BNC2: variants seen among roughly 807,000 people sequenced by gnomAD.
BNC2 encodes basonuclin zinc finger protein 2.
In BNC2, 20 loss-of-function variants were observed where a neutral mutation model predicts 76.3. The ratio of observed to expected loss-of-function variants is 0.26; its 90% CI spans 0.18 to 0.38. The LOEUF (loss-of-function observed/expected upper bound fraction) is 0.38, where lower values mean the gene tolerates loss of function less well. Among genes scored for constraint, BNC2 ranks in the 10% least tolerant of loss-of-function variants. BNC2 has a pLI of 1.00. For synonymous variants in BNC2, 582 were observed against 514.8 expected (o/e 1.13, Z -1.77); for missense variants, 1,382 against 1,399.8 (o/e 0.99, Z 0.20).
At chr9:16,708,128 GA>G (rs1272760904) in intron 3 of BNC2, among the ~76,000 whole-genome samples, 2 of 152,140 alleles carry the variant, frequency 1.3e-5, no homozygotes, top group African/African-American at 4.8e-5. Flanking sequence ...TAAGTTCACT[GA>G]AATTCAAAAA....
At chr9:16,822,587 T>C (rs1426826864) in intron 1 of BNC2, among the ~76,000 whole-genome samples, 2 of 152,174 alleles carry the variant, frequency 1.3e-5, no homozygotes, top group Non-Finnish European at 2.9e-5. Flanking sequence ...GGAAACTGCC[T>C]GAAGCTTATT....
At chr9:16,729,691 G>T (rs1004557187) in intron 2 of BNC2, among the ~76,000 whole-genome samples, 2 of 152,050 alleles carry the variant, frequency 1.3e-5, no homozygotes, top group Non-Finnish European at 2.9e-5. Context: ...ATTCTTGCTG[G>T]GGGGGAGGGC....
At chr9:16,672,124 A>G (rs779699914) in intron 3 of BNC2, among the ~76,000 whole-genome samples, 12 of 152,196 alleles carry the variant, frequency 7.9e-5, no homozygotes, top group Non-Finnish European at 1.2e-4. Context: ...TGAAACAGGG[A>G]GATCTGGGGC....
chr9:16,647,535 T>C (rs911421113), intron 3 of BNC2, among the ~76,000 whole-genome samples: 3 of 152,076 alleles, frequency 2.0e-5, no homozygotes, highest in African/African-American at 7.2e-5. Context: ...TATTACACAA[T>C]CATTTTTCCC....
intron 4 of BNC2, among the ~76,000 whole-genome samples, chr9:16,569,211 C>T (rs973833580): frequency 1.6e-4 from 24 of 151,498 alleles, no homozygotes; most frequent in Non-Finnish European, 3.2e-4. Flanking sequence ...ACCTTATATA[C>T]ATTATGTGAA....
At chr9:16,529,124 G>A (rs1177781000) in intron 5 of BNC2, among the ~76,000 whole-genome samples, 3 of 152,144 alleles carry the variant, frequency 2.0e-5, no homozygotes, top group Non-Finnish European at 4.4e-5. Context: ...ACACAGGATG[G>A]TAGTTAGGGC....
chr9:16,826,811 G>A lies in BNC2; in HGVS notation c.3+43835C>T, dbSNP rs1159301454. ...AAAATAGCCTAAAGACAGATGAAAT[G>A]ATGGATGGATAGATGGATGGATGGA... is the stretch of plus-strand genomic sequence containing the variant. On this transcript the variant is annotated intron_variant, in intron 1 of 6. Coordinates refer to ENST00000380672, the MANE Select transcript of BNC2 (RefSeq NM_017637.6). Among the ~76,000 whole-genome samples the A allele has an allele frequency of 2.6e-5, 4 of 152,160 alleles. No homozygotes were observed. In the East Asian group the frequency reaches 5.8e-4, roughly 22 times the overall value.
At chr9:16,572,810 A>T (rs150117071) in intron 4 of BNC2, among the ~76,000 whole-genome samples, 1 of 152,268 alleles carries the variant, frequency 6.6e-6, no homozygotes, top group Non-Finnish European at 1.5e-5. Flanking sequence ...AAGAGCCTGG[A>T]TTTAGGGTGT....
intron 5 of BNC2, among the ~76,000 whole-genome samples, chr9:16,446,780 G>T (rs1483664844): frequency 1.9e-5 from 2 of 105,040 alleles, no homozygotes; most frequent in African/African-American, 3.7e-5. Flanking sequence ...TAAAAACAGT[G>T]ATTATGATAG....
At chr9:16,582,707 G>A (rs1050018366) in intron 4 of BNC2, among the ~76,000 whole-genome samples, 8 of 152,260 alleles carry the variant, frequency 5.3e-5, no homozygotes, top group African/African-American at 9.6e-5. Flanking sequence ...TGCTGGCTGC[G>A]CCCATGCTCA....
intron 4 of BNC2, among the ~76,000 whole-genome samples, chr9:16,577,585 T>C (rs6475064): frequency 0.056 from 8,514 of 152,154 alleles, 840 homozygotes; most frequent in African/African-American, 0.19. Flanking sequence ...CCAGGTCTGC[T>C]TACTTTACAT....
intron 1 of BNC2, among the ~76,000 whole-genome samples, chr9:16,765,250 C>T (rs143009851): frequency 6.6e-6 from 1 of 152,034 alleles, no homozygotes; most frequent in African/African-American, 2.4e-5. Context: ...TTTCTGGGGT[C>T]ACAATGTAAT....
chr9:16,764,104 A>G (rs893857469), intron 1 of BNC2, among the ~76,000 whole-genome samples: 1 of 152,222 alleles, frequency 6.6e-6, no homozygotes, highest in African/African-American at 2.4e-5. Context: ...CCACCCACAC[A>G]AAAGTAATTC....
intron 5 of BNC2, among the ~76,000 whole-genome samples, chr9:16,520,497 T>A (rs77585689): frequency 6.6e-6 from 1 of 152,130 alleles, no homozygotes; most frequent in Non-Finnish European, 1.5e-5. Flanking sequence ...GGTAGTTGCA[T>A]GCACAGACAT....
intron 1 of BNC2, among the ~76,000 whole-genome samples, chr9:16,866,292 C>A (rs1372938337): frequency 6.6e-6 from 1 of 151,902 alleles, no homozygotes; most frequent in East Asian, 1.9e-4. Flanking sequence ...AACATTTATG[C>A]TTATAACAGG....
chr9:16,495,561 C>T (rs1822370641), intron 5 of BNC2, among the ~76,000 whole-genome samples: 1 of 152,204 alleles, frequency 6.6e-6, no homozygotes, highest in South Asian at 2.1e-4. Context: ...TATGCACTGC[C>T]CAAAGTGCCA....
chr9:16,515,574 C>T (rs1323234642), intron 5 of BNC2, among the ~76,000 whole-genome samples: 2 of 152,026 alleles, frequency 1.3e-5, no homozygotes, highest in South Asian at 2.1e-4. Flanking sequence ...AGTGAGGACT[C>T]GGAGGTGTCT....
intron 1 of BNC2, among the ~76,000 whole-genome samples, chr9:16,785,143 C>G (rs547476841): frequency 5.3e-5 from 8 of 152,210 alleles, no homozygotes; most frequent in Non-Finnish European, 1.2e-4. Flanking sequence ...CCCACCTGTG[C>G]TGAACCCAAC....
intron 3 of BNC2, among the ~76,000 whole-genome samples, chr9:16,627,158 T>C (rs1292931350): frequency 6.6e-6 from 1 of 152,158 alleles, no homozygotes; most frequent in Non-Finnish European, 1.5e-5. Flanking sequence ...TGCTGGAGTG[T>C]ATGTAGTGAG....
Sources: allele counts gnomAD v4.1 joint callset (sites outside exome capture counted in the v4.1 genomes callset), GRCh38; gene constraint gnomAD v4.1.1; transcripts MANE v1.5; gene names NCBI Gene and HGNC (gene_info 2026-07-23, HGNC 2026-07-21).